The following CGGBP1 variants were observed in gnomAD, a reference collection of about 807,000 sequenced individuals.
The protein encoded by CGGBP1 is CGG triplet repeat-binding protein 1.
In CGGBP1, 4 loss-of-function variants were observed where a neutral mutation model predicts 11.4. The observed-to-expected ratio is 0.35, with a 90% confidence interval of 0.17 to 0.80. The LOEUF (loss-of-function observed/expected upper bound fraction) is 0.80. Ranked by LOEUF, CGGBP1 falls within the 30% of genes least tolerant of loss-of-function variation. The probability of loss-of-function intolerance (pLI) is 0.52; values close to 1 mark genes in which losing one functional copy is unlikely to be tolerated. For synonymous variants in CGGBP1, 76 were observed against 74.1 expected (o/e 1.03, Z -0.13); for missense variants, 135 against 202.1 (o/e 0.67, Z 2.01).
intron 2 of CGGBP1, chr3:88,129,118 C>T: frequency 1.3e-6 from 1 of 765,506 alleles, no homozygotes; most frequent in Non-Finnish European, 2.0e-6. Flanking sequence ...TACAGTAATG[C>T]CAAAGATTTA....
intron 2 of CGGBP1, among the ~76,000 whole-genome samples, chr3:88,133,918 A>T (rs4414876): frequency 6.6e-6 from 1 of 151,810 alleles, no homozygotes; most frequent in African/African-American, 2.4e-5. Flanking sequence ...AGGAATGTTT[A>T]GTGTCACTGC....
chr3:88,081,732 A>T (rs4404474), intron 2 of CGGBP1, among the ~76,000 whole-genome samples: 143,129 of 152,156 alleles, frequency 0.94, 67,846 homozygotes, highest in Non-Finnish European at 1. Context: ...CACCACAACA[A>T]GTTCCAGGCT....
intron 2 of CGGBP1, among the ~76,000 whole-genome samples, chr3:88,117,932 C>T (rs1705509427): frequency 9.1e-6 from 1 of 110,290 alleles, no homozygotes; most frequent in Non-Finnish European, 2.0e-5. Context: ...AGTACTATTG[C>T]CCAATAGATG....
At chr3:88,129,961 A>G (rs2107837894) in intron 2 of CGGBP1, 1 of 708,866 alleles carries the variant, frequency 1.4e-6, no homozygotes, top group East Asian at 3.0e-5. Flanking sequence ...GCAAGGAACA[A>G]TAGTAGATTC....
upstream of CGGBP1, chr3:88,059,202 T>C (rs938386357): frequency 4.1e-6 from 6 of 1,451,702 alleles, no homozygotes; most frequent in African/African-American, 2.9e-5. Flanking sequence ...GAGAGGCCCC[T>C]GTCCGGCTAG....
At chr3:88,133,663 T>A (rs1004864401) in intron 2 of CGGBP1, among the ~76,000 whole-genome samples, 1 of 152,096 alleles carries the variant, frequency 6.6e-6, no homozygotes, top group African/African-American at 2.4e-5. Flanking sequence ...GAGATTCAAA[T>A]CCTGAAACTC....
chr3:88,146,619 C>T (rs1461520444), intron 1 of CGGBP1, among the ~76,000 whole-genome samples: 1 of 152,152 alleles, frequency 6.6e-6, no homozygotes, highest in Non-Finnish European at 1.5e-5. Flanking sequence ...AATTTCTCTT[C>T]ATATTAGGTA....
At chr3:88,074,721 T>G (rs1311386603) in intron 2 of CGGBP1, among the ~76,000 whole-genome samples, 3 of 152,182 alleles carry the variant, frequency 2.0e-5, no homozygotes, top group Non-Finnish European at 4.4e-5. Context: ...CCATTAAATT[T>G]AGAAATATAC....
At chr3:88,099,394 A>G (rs1470446377) in intron 2 of CGGBP1, among the ~76,000 whole-genome samples, 2 of 152,224 alleles carry the variant, frequency 1.3e-5, no homozygotes, top group African/African-American at 4.8e-5. Flanking sequence ...GAAAACGGCC[A>G]TACTGCCCAA....
chr3:88,084,548 A>T (rs570399741), intron 2 of CGGBP1, among the ~76,000 whole-genome samples: 1 of 152,320 alleles, frequency 6.6e-6, no homozygotes, highest in South Asian at 2.1e-4. Context: ...CAGACGAGAT[A>T]CAAGTTCAGA....
intron 2 of CGGBP1, among the ~76,000 whole-genome samples, chr3:88,100,776 C>T (rs1198531917): frequency 6.6e-6 from 1 of 150,880 alleles, no homozygotes; most frequent in African/African-American, 2.4e-5. Flanking sequence ...CACTTGGACA[C>T]AGGAAGGGGA....
chr3:88,079,233 T>A (rs1436220309), intron 2 of CGGBP1, among the ~76,000 whole-genome samples: 7 of 152,118 alleles, frequency 4.6e-5, no homozygotes, highest in African/African-American at 1.7e-4. Context: ...AAGTCTTATG[T>A]TCCATATTGG....
rs141037134 is a variant in CGGBP1, at chr3:88,125,554, C to A, written c.-229+15416G>T. Among the ~76,000 whole-genome samples the A allele has an allele frequency of 1.9e-3, 295 of 152,174 alleles. 1 individual carries two copies. The highest frequency in any genetic ancestry group is 6.8e-3 in the African/African-American group (284 of 41,520). ...GATTTACTTATTTATAGATTTATTT[C>A]TTTAACCTGTCATTTTTTTAATCCC... On this transcript the variant is annotated intron_variant, in intron 2 of 3. Coordinates refer to the CGGBP1 transcript ENST00000462901.
intron 2 of CGGBP1, among the ~76,000 whole-genome samples, chr3:88,090,374 A>T (rs1022993661): frequency 6.6e-6 from 1 of 152,196 alleles, no homozygotes; most frequent in Non-Finnish European, 1.5e-5. Context: ...AACAACAGCA[A>T]GAAAAATGTA....
At chr3:88,096,908 T>A (rs185789092) in intron 2 of CGGBP1, among the ~76,000 whole-genome samples, 2 of 152,284 alleles carry the variant, frequency 1.3e-5, no homozygotes, top group African/African-American at 4.8e-5. Context: ...AAACCTCATA[T>A]TATCATTTTA....
intron 2 of CGGBP1, among the ~76,000 whole-genome samples, chr3:88,099,417 A>G (rs1462827454): frequency 6.6e-6 from 1 of 152,228 alleles, no homozygotes; most frequent in Non-Finnish European, 1.5e-5. Context: ...TAATTTATAG[A>G]TTCAATGCCA....
chr3:88,105,043 G>A (rs1704651938), intron 2 of CGGBP1, among the ~76,000 whole-genome samples: 1 of 152,224 alleles, frequency 6.6e-6, no homozygotes, highest in Admixed American at 6.5e-5. Context: ...GGGAGACTGA[G>A]GCAGAAGAAT....
intron 1 of CGGBP1, chr3:88,144,666 T>C (rs1707271534): frequency 2.6e-5 from 4 of 152,420 alleles, no homozygotes; most frequent in Admixed American, 2.6e-4. Context: ...GGTAATCAAG[T>C]GTTCAATTTT....
chr3:88,067,555 C>T (rs1340936985), intron 2 of CGGBP1, among the ~76,000 whole-genome samples: 1 of 152,172 alleles, frequency 6.6e-6, no homozygotes, highest in Non-Finnish European at 1.5e-5. Context: ...GATGAGTCTT[C>T]AAATAAAGTT....
Sources: allele counts gnomAD v4.1 joint callset (sites outside exome capture counted in the v4.1 genomes callset), GRCh38; gene constraint gnomAD v4.1.1; transcripts MANE v1.5; gene names NCBI Gene and HGNC (gene_info 2026-07-23, HGNC 2026-07-21).